Variants in KDM6A observed in about 807,000 individuals in gnomAD.
The protein encoded by KDM6A is lysine-specific demethylase 6A.
Under a neutral mutation model 117.6 loss-of-function variants are expected in KDM6A, and 11 were observed. The ratio of observed to expected loss-of-function variants is 0.09; its 90% CI spans 0.06 to 0.15. KDM6A has a LOEUF of 0.15. KDM6A is among the 10% of genes least tolerant of loss of function. The pLI is 1.00. For missense variants in KDM6A, 799 were observed against 1,077.3 expected, an observed-to-expected ratio of 0.74 and a Z score of 3.62; for synonymous variants, 384 against 396.1, an observed-to-expected ratio of 0.97 and a Z score of 0.36.
At chrX:45,078,889 TAA>T (rs2045261128) in intron 20 of KDM6A, among the ~76,000 whole-genome samples, 1 of 110,876 alleles carries the variant, frequency 9.0e-6, no homozygotes, top group Admixed American at 9.7e-5. Flanking sequence ...AGAAATTAAA[TAA>T]ATAAGTGAAA....
chrX:44,927,634 A>T (rs1481969664), intron 2 of KDM6A, among the ~76,000 whole-genome samples: 3 of 111,164 alleles, frequency 2.7e-5, no homozygotes, highest in Non-Finnish European at 5.6e-5. Flanking sequence ...GAACTGATTC[A>T]TAAGCCACCT....
At chrX:44,875,838 A>G (rs1202011826) in intron 2 of KDM6A, among the ~76,000 whole-genome samples, 2 of 111,943 alleles carry the variant, frequency 1.8e-5, no homozygotes, top group Non-Finnish European at 3.8e-5. Flanking sequence ...GTAAAATGCT[A>G]GTTGATTTTA....
intron 2 of KDM6A, among the ~76,000 whole-genome samples, chrX:44,910,648 C>T (rs2035042896): frequency 9.2e-6 from 1 of 109,245 alleles, no homozygotes; most frequent in Admixed American, 9.8e-5. Flanking sequence ...ACCCTGGGGC[C>T]TTCCACAGTG....
intron 2 of KDM6A, among the ~76,000 whole-genome samples, chrX:44,953,228 G>A (rs1429941254): frequency 9.0e-6 from 1 of 111,382 alleles, no homozygotes; most frequent in Non-Finnish European, 1.9e-5. Flanking sequence ...CTCAGCTATG[G>A]CATCTACCTC....
chrX:44,914,590 GA>G (rs1360937648), intron 2 of KDM6A, among the ~76,000 whole-genome samples: 2 of 110,885 alleles, frequency 1.8e-5, no homozygotes, highest in Middle Eastern at 4.2e-3. Flanking sequence ...TATTCTTTGG[GA>G]TGTTTCTTTT....
chrX:44,959,722 C>G (rs965384166), intron 2 of KDM6A, among the ~76,000 whole-genome samples: 3 of 111,347 alleles, frequency 2.7e-5, no homozygotes, highest in African/African-American at 9.8e-5. Context: ...TTTTTATACT[C>G]TAGCCATCTG....
At chrX:44,998,907 C>T (rs1486138425) in intron 4 of KDM6A, among the ~76,000 whole-genome samples, 1 of 112,065 alleles carries the variant, frequency 8.9e-6, no homozygotes, top group African/African-American at 3.2e-5. Context: ...AACCTAATTA[C>T]TGTTGTTCCC....
chrX:44,951,350 G>A (rs1056999554), intron 2 of KDM6A, among the ~76,000 whole-genome samples: 4 of 111,586 alleles, frequency 3.6e-5, no homozygotes, highest in Admixed American at 9.5e-5. Flanking sequence ...CAAAAAGTGG[G>A]ATAAAGCTGT....
At chrX:44,889,951 GC>G (rs2033206838) in intron 2 of KDM6A, among the ~76,000 whole-genome samples, 1 of 112,255 alleles carries the variant, frequency 8.9e-6, no homozygotes. Context: ...GTAGCATCTT[GC>G]AAAACTGTGG....
At chrX:44,998,994 C>T (rs1044801135) in intron 4 of KDM6A, among the ~76,000 whole-genome samples, 3 of 111,658 alleles carry the variant, frequency 2.7e-5, no homozygotes, top group African/African-American at 6.5e-5. Flanking sequence ...TTATTATATA[C>T]GTTTTTGTCA....
At chrX:44,935,055 C>G (rs187159129) in intron 2 of KDM6A, among the ~76,000 whole-genome samples, 310 of 111,061 alleles carry the variant, frequency 2.8e-3, no homozygotes, top group African/African-American at 9.8e-3. Context: ...TTACCCCCCT[C>G]TATTAGGATA....
intron 2 of KDM6A, among the ~76,000 whole-genome samples, chrX:44,953,360 A>G (rs2038133247): frequency 9.0e-6 from 1 of 111,624 alleles, no homozygotes. Context: ...TTAATCACCA[A>G]GCCACACCTA....
Position 44,888,000 on chromosome X carries a change from A to AAAAC in KDM6A, c.225+14029_225+14032dup, listed in dbSNP as rs201802652. Among the ~76,000 whole-genome samples, 9 of 111,166 alleles carry AAAAC rather than the reference A, an allele frequency of 8.1e-5. No individual in the cohort carries two copies. In the East Asian group the frequency reaches 8.6e-4, roughly 11 times the overall value. On this transcript the variant is annotated intron_variant, in intron 2 of 29. Coordinates refer to ENST00000611820, the MANE Select transcript of KDM6A (RefSeq NM_001291415.2). ...ACACAGTGAGACTCCGTCTCTTTAA[A>AAAAC]AAACAAACAAACAAACAAAAAACTG... is the stretch of plus-strand genomic sequence containing the variant.
intron 2 of KDM6A, among the ~76,000 whole-genome samples, chrX:44,931,638 A>T (rs12011453): frequency 0.024 from 2,627 of 111,436 alleles, 78 homozygotes; most frequent in African/African-American, 0.082. Flanking sequence ...TTCTACTCAT[A>T]TGAAGCATCT....
chrX:45,080,252 G>A (rs1048084832), intron 21 of KDM6A, among the ~76,000 whole-genome samples: 2 of 111,159 alleles, frequency 1.8e-5, no homozygotes, highest in African/African-American at 6.5e-5. Context: ...AAACATTAGT[G>A]TTCTTCTTAC....
chrX:45,024,766 CAAAT>C, intron 6 of KDM6A, among the ~76,000 whole-genome samples: 1 of 112,043 alleles, frequency 8.9e-6, no homozygotes, highest in East Asian at 2.8e-4. Context: ...TTATATCTTA[CAAAT>C]AAATAGTTTC....
chrX:44,873,665 C>T lies in KDM6A; in HGVS notation c.114C>T (p.Ser38=), dbSNP rs1355436859. Reference sequence around the variant, plus strand: ...CGAGCGGCGAGAGCGAGGAGGCGTCCCCCAGCCTGACAGCCGAGGAGAGGG... The same window carrying T: ...CGAGCGGCGAGAGCGAGGAGGCGTCTCCCAGCCTGACAGCCGAGGAGAGGG... ...GKASGESEEA[S]PSLTAEEREA... Residue 38 remains serine, a synonymous_variant, in exon 1 of 30, where the codon TCC becomes TCT. Transcript: ENST00000611820. 9 of 1,187,105 alleles carry T rather than the reference C, an allele frequency of 7.6e-6. No individual in the cohort carries two copies. The highest frequency in any genetic ancestry group is 1.0e-5 in the Non-Finnish European group (9 of 883,724).
chrX:45,002,590 T>C (rs1306655969), intron 4 of KDM6A, among the ~76,000 whole-genome samples: 1 of 112,315 alleles, frequency 8.9e-6, no homozygotes, highest in Non-Finnish European at 1.9e-5. Context: ...TTACCAAAGG[T>C]ATATTTTACT....
At chrX:44,964,724 T>C (rs191952731) in intron 3 of KDM6A, among the ~76,000 whole-genome samples, 88 of 112,137 alleles carry the variant, frequency 7.8e-4, no homozygotes, top group African/African-American at 2.8e-3. Flanking sequence ...GTTCTATTTA[T>C]AGAGCATAGA....
Sources: gnomAD v4.1 joint callset for allele counts (sites outside exome capture counted in the v4.1 genomes callset) on GRCh38, gnomAD v4.1.1 for gene constraint, MANE v1.5 for transcripts, NCBI Gene and HGNC (gene_info 2026-07-23, HGNC 2026-07-21) for gene names.